ZNF827: variants seen among roughly 807,000 people sequenced by gnomAD.
ZNF827 encodes zinc finger protein 827.
Under a neutral mutation model 102.4 loss-of-function variants are expected in ZNF827, and 13 were observed. The ratio of observed to expected loss-of-function variants is 0.13; its 90% CI spans 0.08 to 0.20. The LOEUF (loss-of-function observed/expected upper bound fraction) is 0.20, where lower values mean the gene tolerates loss of function less well. Ranked by LOEUF, ZNF827 falls within the 10% of genes least tolerant of loss-of-function variation. ZNF827 has a pLI of 1.00. For synonymous variants in ZNF827, 523 were observed against 536.2 expected, an observed-to-expected ratio of 0.98 and a Z score of 0.34; for missense variants, 1,103 against 1,344.4, an observed-to-expected ratio of 0.82 and a Z score of 2.81.
chr4:145,777,480 C>T (rs999939902), intron 9 of ZNF827, among the ~76,000 whole-genome samples: 5 of 152,126 alleles, frequency 3.3e-5, no homozygotes, highest in African/African-American at 1.2e-4. Flanking sequence ...CTTTGGGAAC[C>T]GACTGATTCA....
chr4:145,885,106 T>G (rs1162802192), intron 4 of ZNF827, among the ~76,000 whole-genome samples: 1 of 152,068 alleles, frequency 6.6e-6, no homozygotes, highest in Non-Finnish European at 1.5e-5. Flanking sequence ...GTAAATTTTA[T>G]GTTAAATACA....
At chr4:145,879,660 C>A (rs1213941120) in intron 4 of ZNF827, among the ~76,000 whole-genome samples, 2 of 152,156 alleles carry the variant, frequency 1.3e-5, no homozygotes, top group African/African-American at 2.4e-5. Context: ...TTTAGAAATA[C>A]ACAGTACGCT....
intron 4 of ZNF827, 25 bp downstream of exon 4, chr4:145,885,653 A>T (rs1418373468): frequency 7.6e-6 from 11 of 1,444,882 alleles, no homozygotes; most frequent in Non-Finnish European, 1.0e-5. Context: ...AGAGAGAGAG[A>T]GAGAATACAA....
intron 9 of ZNF827, among the ~76,000 whole-genome samples, chr4:145,778,608 T>C (rs770172643): frequency 7.2e-5 from 11 of 152,072 alleles, no homozygotes; most frequent in African/African-American, 1.9e-4. Flanking sequence ...CGAGACCCTA[T>C]CTTGGGGGAA....
At chr4:145,899,617 G>A (rs1751255518) in intron 2 of ZNF827, among the ~76,000 whole-genome samples, 1 of 152,182 alleles carries the variant, frequency 6.6e-6, no homozygotes, top group Non-Finnish European at 1.5e-5. Flanking sequence ...CCACGTGGAC[G>A]TATGGAATAT....
chr4:145,766,829 T>C (rs1735377063), intron 11 of ZNF827, among the ~76,000 whole-genome samples: 1 of 152,000 alleles, frequency 6.6e-6, no homozygotes, highest in African/African-American at 2.4e-5. Context: ...GGGCATTAGG[T>C]AGAAAACTAA....
At chr4:145,834,204 T>A (rs1376619388) in intron 7 of ZNF827, among the ~76,000 whole-genome samples, 6 of 152,224 alleles carry the variant, frequency 3.9e-5, no homozygotes, top group African/African-American at 1.4e-4. Context: ...TCTAAATAAT[T>A]CTTGTCGTAA....
At chr4:145,847,072 T>C (rs1746052260) in intron 6 of ZNF827, among the ~76,000 whole-genome samples, 1 of 152,012 alleles carries the variant, frequency 6.6e-6, no homozygotes, top group South Asian at 2.1e-4. Flanking sequence ...GAGAATTGCT[T>C]GAACCTAGGA....
At chr4:145,800,479 G>A (rs1398692872) in intron 8 of ZNF827, among the ~76,000 whole-genome samples, 3 of 151,534 alleles carry the variant, frequency 2.0e-5, no homozygotes, top group Non-Finnish European at 4.4e-5. Flanking sequence ...TTAGCCTCCC[G>A]AGTAGCTAAG....
chr4:145,874,697 A>C (rs1402438979), intron 4 of ZNF827, among the ~76,000 whole-genome samples: 2 of 152,240 alleles, frequency 1.3e-5, no homozygotes, highest in Admixed American at 6.5e-5. Flanking sequence ...ACTAACACAG[A>C]AAGATTTGTG....
At chr4:145,849,657 T>C (rs1746331458) in intron 5 of ZNF827, 96 bp from the exon 6 acceptor site, 2 of 1,561,584 alleles carry the variant, frequency 1.3e-6, no homozygotes, top group African/African-American at 1.4e-5. Context: ...ATAAAGATTG[T>C]GGCAGGGAAG....
intron 5 of ZNF827, among the ~76,000 whole-genome samples, chr4:145,853,750 A>G (rs889521552): frequency 1.3e-5 from 2 of 152,184 alleles, no homozygotes; most frequent in South Asian, 4.1e-4. Context: ...GGATTGCATG[A>G]ACCCAGCAGT....
At position 145,757,822 on chromosome 4, in the gene ZNF827, C is replaced by T. The variant is rs1251687394; in HGVS notation, c.*3794G>A. 1.3e-5 allele frequency: 2 copies of T among 151,850 alleles called. No individual in the cohort carries two copies. The highest frequency in any genetic ancestry group is 2.4e-5 in the African/African-American group (1 of 41,308). The allele number at this position is 151,850 out of a possible 1,614,324, so 9.4% of individuals were successfully genotyped here. On this transcript the variant is annotated 3_prime_UTR_variant, in exon 15 of 15. Coordinates refer to ENST00000508784, the MANE Select transcript of ZNF827 (RefSeq NM_001306215.2). Reference sequence around the variant, plus strand: ...TGTACACAAACCTTGACAGTATGATCATCTGAACATAATATGAAGAGTTAA... The same window carrying T: ...TGTACACAAACCTTGACAGTATGATTATCTGAACATAATATGAAGAGTTAA...
intron 4 of ZNF827, among the ~76,000 whole-genome samples, chr4:145,874,576 A>T (rs1748992639): frequency 6.6e-6 from 1 of 152,216 alleles, no homozygotes; most frequent in African/African-American, 2.4e-5. Flanking sequence ...AAAAAAACCC[A>T]CATGTGCAGT....
In ZNF827 at chr4:145,779,469, G is replaced by A. The variant is rs372023651; in HGVS notation, c.2426C>T (p.Ser809Phe). The change falls in exon 9 of 15, where the codon TCC becomes TTC. Residue 809 changes from serine (S) to phenylalanine (F), a missense_variant. Around this residue, in one of 5 missense-constraint regions of ZNF827, gnomAD observed 242 missense variants for 361.9 expected, o/e 0.67. Transcript: ENST00000508784. The stretch of plus-strand genomic sequence containing the variant: ...AAAAAGCTGGTCATTGAATTTCCAG[G>A]ATGGTAATCCATTTCCTGCCTCTAG... Reference protein sequence around the residue: ...IVLEAGNGLPSWKFNDQLFPC... With the variant: ...IVLEAGNGLPFWKFNDQLFPC... The A allele has an allele frequency of 1.2e-6, 2 of 1,614,204 alleles. No individual in the cohort carries two copies. Among genetic ancestry groups the A allele is most frequent in the African/African-American group, 2.7e-5 (2 of 75,048 alleles).
At chr4:145,887,252 G>T (rs908642026) in intron 3 of ZNF827, among the ~76,000 whole-genome samples, 3 of 151,976 alleles carry the variant, frequency 2.0e-5, no homozygotes, top group Non-Finnish European at 2.9e-5. Flanking sequence ...TCGAACCCAG[G>T]TCTCACCAAG....
At chr4:145,852,791 G>A (rs936859178) in intron 5 of ZNF827, among the ~76,000 whole-genome samples, 17 of 152,016 alleles carry the variant, frequency 1.1e-4, no homozygotes, top group Admixed American at 4.6e-4. Flanking sequence ...GTCTCACTAC[G>A]TTGCCCAGGC....
chr4:145,823,359 C>T, intron 8 of ZNF827, 63 bp downstream of exon 8: 2 of 1,360,562 alleles, frequency 1.5e-6, no homozygotes, highest in Non-Finnish European at 2.1e-6. Context: ...AAAATTCACA[C>T]ATTTCAGAAA....
Position 145,937,532 on chromosome 4 carries a change from G to A in ZNF827, c.43+833C>T, listed in dbSNP as rs1358676802. Among the ~76,000 whole-genome samples, 5 of 147,430 alleles carry A rather than the reference G, an allele frequency of 3.4e-5. No individual in the cohort carries two copies. In the South Asian group the frequency reaches 6.3e-4, roughly 18 times the overall value. ...CAGCTCCCGCACCCCACATCCGCCC[G>A]CCGCTGCCCGGCCTCGCCCCCCGCC... On this transcript the variant is annotated intron_variant, in intron 1 of 14. Transcript: ENST00000508784.
Sources: gnomAD v4.1 joint callset for allele counts (sites outside exome capture counted in the v4.1 genomes callset) on GRCh38, gnomAD v4.1.1 for gene constraint, gnomAD v4.1.1 regional missense constraint, MANE v1.5 for transcripts, NCBI Gene and HGNC (gene_info 2026-07-23, HGNC 2026-07-21) for gene names.